AFF1: variants seen among roughly 807,000 people sequenced by gnomAD.
The protein encoded by AFF1 is AF4/FMR2 family member 1.
AFF1 carries 48 observed loss-of-function variants against 121.7 expected under a neutral mutation model. The ratio of observed to expected loss-of-function variants is 0.39; its 90% CI spans 0.31 to 0.50. AFF1 has a LOEUF of 0.50. AFF1 is among the 20% of genes least tolerant of loss of function. The pLI is 0.76. For synonymous variants in AFF1, 613 were observed against 563.0 expected, an observed-to-expected ratio of 1.09 and a Z score of -1.26; for missense variants, 1,523 against 1,511.7, an observed-to-expected ratio of 1.01 and a Z score of -0.12.
chr4:87,007,276 C>A, intron 2 of AFF1: 1 of 1,552,330 alleles, frequency 6.4e-7, no homozygotes, highest in Non-Finnish European at 8.6e-7. Context: ...CAGGTAGTCC[C>A]GTAACATCGG....
At chr4:87,009,264 G>T (rs1334342490) in intron 2 of AFF1, among the ~76,000 whole-genome samples, 1 of 152,186 alleles carries the variant, frequency 6.6e-6, no homozygotes, top group Admixed American at 6.5e-5. Context: ...GCTGTTTCTT[G>T]CCTGAGGTCA....
intron 10 of AFF1, among the ~76,000 whole-genome samples, chr4:87,107,554 C>T (rs1172445510): frequency 6.6e-6 from 1 of 152,020 alleles, no homozygotes; most frequent in African/African-American, 2.4e-5. Flanking sequence ...CAAAGGAACA[C>T]CATTTATATT....
intron 5 of AFF1, 142 bp from the exon 6 acceptor site, chr4:87,089,842 T>G: frequency 1.6e-6 from 1 of 638,048 alleles, no homozygotes; most frequent in Non-Finnish European, 2.6e-6. Flanking sequence ...AGGAGTTGTT[T>G]TTTTTAAGTA....
intron 1 of AFF1, among the ~76,000 whole-genome samples, chr4:86,944,554 C>A (rs1720711540): frequency 6.6e-6 from 1 of 152,082 alleles, no homozygotes; most frequent in Non-Finnish European, 1.5e-5. Flanking sequence ...CCATGTTAAC[C>A]AGGATCGTCT....
At chr4:87,108,048 G>GT in intron 10 of AFF1, 111 bp from the exon 11 acceptor site, 2 of 1,153,904 alleles carry the variant, frequency 1.7e-6, no homozygotes, top group Non-Finnish European at 2.4e-6. Flanking sequence ...GTTTAGCAGT[G>GT]TATCTAATAC....
chr4:87,006,485 C>T (rs1311327178), intron 2 of AFF1, among the ~76,000 whole-genome samples: 1 of 152,154 alleles, frequency 6.6e-6, no homozygotes, highest in African/African-American at 2.4e-5. Context: ...CTGTAATCTA[C>T]GTGTAGTCCA....
At chr4:87,016,267 T>C (rs752874998) in intron 2 of AFF1, among the ~76,000 whole-genome samples, 30 of 152,146 alleles carry the variant, frequency 2.0e-4, no homozygotes, top group Non-Finnish European at 3.5e-4. Flanking sequence ...CTTTTATATC[T>C]TTTGTTATAT....
chr4:87,134,777 G>C (rs1316211219), intron 20 of AFF1, 83 bp downstream of exon 20: 1 of 1,203,308 alleles, frequency 8.3e-7, no homozygotes, highest in African/African-American at 1.5e-5. Flanking sequence ...TATAAGTTCA[G>C]TTTCTTGGAG....
In AFF1 at chr4:87,131,869, G is replaced by C; in HGVS notation, c.3173+5G>C. On this transcript the variant is annotated splice_donor_5th_base_variant and intron_variant, in intron 18 of 20. Transcript: ENST00000395146. ...GAAAATATTTGCTGTTTTATGGTGC[G>C]TATTTTCCTTTGTCTAAATAGTACT... is the stretch of plus-strand genomic sequence containing the variant. 6.4e-7 allele frequency: 1 copy of C among 1,573,474 alleles called. No individual in the cohort carries two copies. The highest frequency in any genetic ancestry group is 8.6e-7 in the Non-Finnish European group (1 of 1,166,618).
intron 4 of AFF1, among the ~76,000 whole-genome samples, chr4:87,072,256 A>G (rs908414495): frequency 4.6e-5 from 7 of 150,966 alleles, no homozygotes; most frequent in South Asian, 2.1e-4. Flanking sequence ...CCAGCTACTC[A>G]GGAGTCTGAG....
At chr4:87,109,122 G>A (rs1726218407) in intron 11 of AFF1, among the ~76,000 whole-genome samples, 1 of 152,154 alleles carries the variant, frequency 6.6e-6, no homozygotes, top group Admixed American at 6.5e-5. Context: ...TTTCTTTTTG[G>A]TGAATGAAAC....
intron 6 of AFF1, among the ~76,000 whole-genome samples, chr4:87,091,473 T>C (rs1408407231): frequency 1.3e-5 from 2 of 152,230 alleles, no homozygotes; most frequent in African/African-American, 2.4e-5. Flanking sequence ...CACTAAGCTC[T>C]GTAAAAATAT....
intron 2 of AFF1, chr4:86,950,211 T>C: frequency 8.3e-7 from 1 of 1,198,754 alleles, no homozygotes; most frequent in South Asian, 1.2e-5. Flanking sequence ...AAAGTTTCGC[T>C]ATTGTTGCCC....
intron 12 of AFF1, among the ~76,000 whole-genome samples, chr4:87,120,307 C>T (rs1050685508): frequency 6.6e-6 from 1 of 152,196 alleles, no homozygotes; most frequent in African/African-American, 2.4e-5. Context: ...AGGGAAGTCC[C>T]TGAATTTCCC....
intron 5 of AFF1, among the ~76,000 whole-genome samples, chr4:87,085,379 TTC>T (rs1418410949): frequency 6.6e-6 from 1 of 152,072 alleles, no homozygotes; most frequent in Non-Finnish European, 1.5e-5. Context: ...TTTAATTTGC[TTC>T]TAGGTCAATT....
chr4:87,079,346 G>GT (rs1369601194), intron 4 of AFF1, among the ~76,000 whole-genome samples: 3 of 152,116 alleles, frequency 2.0e-5, no homozygotes, highest in Non-Finnish European at 4.4e-5. Flanking sequence ...TTTTATTTTG[G>GT]TATCAGTGCG....
intron 2 of AFF1, among the ~76,000 whole-genome samples, chr4:86,953,853 GGCGCACCA>G (rs1327814936): frequency 6.8e-6 from 1 of 147,312 alleles, no homozygotes; most frequent in Non-Finnish European, 1.5e-5. Flanking sequence ...CCGAGTAGCT[GGCGCACCA>G]CCACGCCCAG....
intron 2 of AFF1, among the ~76,000 whole-genome samples, chr4:86,969,898 G>A (rs915499426): frequency 0.013 from 676 of 54,024 alleles, 10 homozygotes; most frequent in Non-Finnish European, 0.025. Context: ...AAAAAAAAAA[G>A]GTAAGATAGT....
intron 4 of AFF1, among the ~76,000 whole-genome samples, chr4:87,074,864 T>C (rs1722490420): frequency 6.6e-6 from 1 of 152,238 alleles, no homozygotes; most frequent in African/African-American, 2.4e-5. Flanking sequence ...AGTGAGTGTT[T>C]ACAATTATAC....
Sources: gnomAD v4.1 joint callset for allele counts (sites outside exome capture counted in the v4.1 genomes callset) on GRCh38, gnomAD v4.1.1 for gene constraint, MANE v1.5 for transcripts, NCBI Gene and HGNC (gene_info 2026-07-23, HGNC 2026-07-21) for gene names.